The following ZNF43 variants were observed in gnomAD, a reference collection of about 807,000 sequenced individuals.
ZNF43 encodes the protein zinc finger protein 43, also known as zinc finger protein 39-like 1 (KOX 27).
ZNF43 carries 44 observed loss-of-function variants against 68.4 expected under a neutral mutation model. The observed-to-expected ratio is 0.64, with a 90% CI of 0.51 to 0.83. ZNF43 has a LOEUF of 0.83. ZNF43 is among the 40% of genes least tolerant of loss of function. ZNF43 has a pLI of 0.00. For synonymous variants in ZNF43, 308 were observed against 307.8 expected (o/e 1.00, Z -0.01); for missense variants, 896 against 933.2 (o/e 0.96, Z 0.52).
intron 1 of ZNF43, chr19:21,851,126 T>C (rs1007608153): frequency 6.6e-6 from 1 of 152,218 alleles, no homozygotes; most frequent in African/African-American, 2.4e-5. Flanking sequence ...CAGCCTCACA[T>C]GTGTACTGAA....
chr19:21,818,087 C>A lies in ZNF43; in HGVS notation c.131-101G>T. 4.0e-6 allele frequency: 5 copies of A among 1,235,878 alleles called. No individual in the cohort carries two copies. In the South Asian group the frequency reaches 7.4e-5, roughly 18 times the overall value. 76.6% of individuals were successfully genotyped at this position (1,235,878 alleles called of 1,614,324 possible). On this transcript the variant is annotated intron_variant, in intron 2 of 3. Coordinates refer to ENST00000354959, the MANE Select transcript of ZNF43 (RefSeq NM_003423.4). The stretch of plus-strand genomic sequence containing the variant: ...GAAGGGTGTGATAGAATATCCTAAT[C>A]ATTAATCCCAAAATACTAATTTTTT...
chr19:21,843,371 C>G, intron 1 of ZNF43: 1 of 985,386 alleles, frequency 1.0e-6, no homozygotes. Context: ...CTTCACGTGT[C>G]TTCATTCTAG....
At chr19:21,813,489 A>G (rs1246009048) in intron 3 of ZNF43, among the ~76,000 whole-genome samples, 1 of 152,184 alleles carries the variant, frequency 6.6e-6, no homozygotes, top group African/African-American at 2.4e-5. Context: ...TTCAGCCTTC[A>G]AATAGAAAAT....
chr19:21,820,236 AC>A (rs2145226464), intron 1 of ZNF43, among the ~76,000 whole-genome samples: 1 of 147,582 alleles, frequency 6.8e-6, no homozygotes, highest in South Asian at 2.1e-4. Flanking sequence ...TATAATATAT[AC>A]ATATATATTA....
intron 3 of ZNF43, among the ~76,000 whole-genome samples, chr19:21,812,350 G>A (rs1023857884): frequency 5.9e-5 from 9 of 151,986 alleles, no homozygotes; most frequent in South Asian, 2.1e-4. Context: ...TCCTGACCTC[G>A]TGATCCGCCC....
chr19:21,808,616 C>G lies in ZNF43; in HGVS notation c.1421G>C (p.Arg474Thr). 6.2e-7 allele frequency: 1 copy of G among 1,611,338 alleles called. No individual in the cohort carries two copies. Among genetic ancestry groups the G allele is most frequent in the East Asian group, 2.2e-5 (1 of 44,648 alleles). The change falls in exon 4 of 4, where the codon AGA (arginine) becomes ACA (threonine). Residue 474 changes from arginine (R) to threonine (T), a missense_variant. Arg to Thr is a moderately conservative substitution (Grantham distance 71). Coordinates refer to ENST00000354959, the MANE Select transcript of ZNF43 (RefSeq NM_003423.4). ...GTACGGTTTTTCTGCAGTATGAATTCTCTTATGTGTAGTAAGGTTTGAGAA... is the reference window on the plus strand; with the variant it reads ...GTACGGTTTTTCTGCAGTATGAATTGTCTTATGTGTAGTAAGGTTTGAGAA... ...NQFSNLTTHK[R>T]IHTAEKPYKC...
intron 1 of ZNF43, among the ~76,000 whole-genome samples, chr19:21,842,407 C>CA (rs34565458): frequency 0.082 from 9,599 of 117,408 alleles, 535 homozygotes; most frequent in East Asian, 0.19. Flanking sequence ...GACTCCATCT[C>CA]AAAAAAAAAA....
In ZNF43 at chr19:21,809,782, G is replaced by A. The variant is rs751786109; in HGVS notation, c.255C>T (p.Asp85=). The part of the protein sequence containing the change: ...PPVMCSHFTQ[D]FWPEQHIKDP... ...CTTTTATATGCTGCTCTGGCCAAAA[G>A]TCTTGGGTAAAATGAGAACACATAA... Residue 85 remains aspartate, a synonymous_variant, in exon 4 of 4, where the codon GAC becomes GAT. Transcript: ENST00000354959. 7 of 1,571,522 alleles carry A rather than the reference G, an allele frequency of 4.5e-6. No homozygotes were observed. The Admixed American group carries it at 1.0e-4, about 23-fold the overall frequency.
chr19:21,828,249 A>G (rs1568371355), intron 1 of ZNF43, among the ~76,000 whole-genome samples: 1 of 152,198 alleles, frequency 6.6e-6, no homozygotes, highest in Admixed American at 6.5e-5. Flanking sequence ...TTCAGTTAAA[A>G]CTACTTTATA....
rs1368991267 is a variant in ZNF43, at chr19:21,806,744, A to G, written c.*863T>C. On this transcript the variant is annotated 3_prime_UTR_variant, in exon 4 of 4. Transcript: ENST00000354959. ...CTTCTTTTAATGTTATATACAAATAATTTATCCACCAAGTTTTATTTTGTG... is the reference window on the plus strand; with the variant it reads ...CTTCTTTTAATGTTATATACAAATAGTTTATCCACCAAGTTTTATTTTGTG... 3 of 152,230 alleles carry G rather than the reference A, an allele frequency of 2.0e-5. No individual in the cohort carries two copies. The highest frequency in any genetic ancestry group is 4.4e-5 in the Non-Finnish European group (3 of 68,034). 9.4% of individuals were successfully genotyped at this position (152,230 alleles called of 1,614,324 possible). A position where few individuals can be genotyped will look rare whatever the true frequency, so the allele number is the denominator to read the frequency against.
At chr19:21,846,922 T>C (rs879421838) in intron 1 of ZNF43, among the ~76,000 whole-genome samples, 8 of 152,202 alleles carry the variant, frequency 5.3e-5, no homozygotes, top group Non-Finnish European at 1.0e-4. Context: ...CACATGTCAG[T>C]GCAGGGCCTA....
chr19:21,835,157 G>A (rs2038638804), intron 1 of ZNF43, among the ~76,000 whole-genome samples: 2 of 135,916 alleles, frequency 1.5e-5, no homozygotes, highest in South Asian at 4.8e-4. Context: ...GCTGAGGCAA[G>A]AAAATCGCTT....
In ZNF43 at chr19:21,809,621, G is replaced by A. The variant is rs529597756; in HGVS notation, c.416C>T (p.Pro139Leu). The change falls in exon 4 of 4, where the codon CCA (proline) becomes CTA (leucine). Residue 139 changes from proline (P) to leucine (L), a missense_variant. Physicochemically the swap from Pro to Leu is moderately conservative, Grantham distance 98. Coordinates refer to ENST00000354959, the MANE Select transcript of ZNF43 (RefSeq NM_003423.4). ...GGYNGFNQCL[P>L]ATQSKIFLFD... ...TAGAAATATTTTGCTCTGGGTAGCT[G>A]GCAAACATTGGTTAAATCCATTATA... is the stretch of plus-strand genomic sequence containing the variant. 7 of 1,611,756 alleles carry A rather than the reference G, an allele frequency of 4.3e-6. No homozygotes were observed. Among genetic ancestry groups the A allele is most frequent in the African/African-American group, 2.7e-5 (2 of 74,754 alleles).
chr19:21,830,289 A>AAC (rs2038361666), intron 1 of ZNF43, among the ~76,000 whole-genome samples: 1 of 151,188 alleles, frequency 6.6e-6, no homozygotes, highest in African/African-American at 2.4e-5. Context: ...GAAAAAAAAA[A>AAC]ACAAAACAAA....
rs767295721 is a variant in ZNF43, at chr19:21,809,470, T to C, written c.567A>G (p.Leu189=). 4 of 1,613,816 alleles carry C rather than the reference T, an allele frequency of 2.5e-6. No homozygotes were observed. The highest frequency in any genetic ancestry group is 1.7e-5 in the Admixed American group (1 of 59,960). The change falls in exon 4 of 4, where the codon CTA becomes CTG. Residue 189 remains leucine, a synonymous_variant. Transcript: ENST00000354959. ...CGKSFCMLPH[L]AQHKIIHTRV... ...TGGTATGAATTATTTTATGTTGAGC[T>C]AGATGTGGAAGCATGCAAAATGATT...
chr19:21,837,490 T>A (rs576497244), upstream of ZNF43, among the ~76,000 whole-genome samples: 19 of 131,100 alleles, frequency 1.4e-4, no homozygotes, highest in South Asian at 4.8e-3. Flanking sequence ...AGTGGCACAA[T>A]CTCGGCTCAC....
At chr19:21,833,127 T>C (rs182766110) in intron 1 of ZNF43, among the ~76,000 whole-genome samples, 1 of 152,310 alleles carries the variant, frequency 6.6e-6, no homozygotes, top group East Asian at 1.9e-4. Context: ...AGATTTTCCC[T>C]ATTCTTTTCC....
At chr19:21,810,284 A>G (rs2037213601) in intron 3 of ZNF43, among the ~76,000 whole-genome samples, 4 of 152,210 alleles carry the variant, frequency 2.6e-5, no homozygotes. Context: ...GTTATGGTAG[A>G]AGGCAAAGAG....
At chr19:21,836,311 A>C (rs930360534), upstream of ZNF43, 15 of 1,175,166 alleles carry the variant, frequency 1.3e-5, no homozygotes, top group Non-Finnish European at 1.6e-5. Context: ...TGAATGAAAG[A>C]TGTGATCAGA....
Sources: gnomAD v4.1 joint callset for allele counts (sites outside exome capture counted in the v4.1 genomes callset) on GRCh38, gnomAD v4.1.1 for gene constraint, MANE v1.5 for transcripts, NCBI Gene and HGNC (gene_info 2026-07-23, HGNC 2026-07-21) for gene names.